RORA: variants seen among roughly 807,000 people sequenced by gnomAD.
The protein encoded by RORA is RAR related orphan receptor A.
Under a neutral mutation model 69.5 loss-of-function variants are expected in RORA, and 7 were observed. That is an observed-to-expected ratio of 0.10 (90% CI 0.06 to 0.19). The LOEUF (loss-of-function observed/expected upper bound fraction) is 0.19, where lower values mean the gene tolerates loss of function less well. Ranked by LOEUF, RORA falls within the 10% of genes least tolerant of loss-of-function variation. The pLI is 1.00. For synonymous variants in RORA, 261 were observed against 240.8 expected (o/e 1.08, Z -0.78); for missense variants, 457 against 663.0 (o/e 0.69, Z 3.41).
chr15:60,732,165 A>C (rs1380129179), intron 1 of RORA, among the ~76,000 whole-genome samples: 2 of 152,256 alleles, frequency 1.3e-5, no homozygotes, highest in Non-Finnish European at 2.9e-5. Context: ...CCATTTCTGC[A>C]TATACACCCC....
At chr15:60,872,985 C>G (rs879929120) in intron 1 of RORA, among the ~76,000 whole-genome samples, 8 of 152,104 alleles carry the variant, frequency 5.3e-5, no homozygotes, top group Admixed American at 4.6e-4. Context: ...TTCCTAATTC[C>G]TTTATTTATG....
rs2140836428 is a variant in RORA, at chr15:61,128,297, T to C, written c.166+100756A>G. Among the ~76,000 whole-genome samples, 1 of 152,114 alleles carries C rather than the reference T, an allele frequency of 6.6e-6. No individual in the cohort carries two copies. Among genetic ancestry groups the C allele is most frequent in the Admixed American group, 6.5e-5 (1 of 15,276 alleles). On this transcript the variant is annotated intron_variant, in intron 1 of 10. Transcript: ENST00000335670. This position sits in a 1 kb window ranked among gnomAD's most constrained non-coding sequence, Gnocchi z 4.5. ...AAAAAACAGCAAATTGACCGGAGAA[T>C]TATTAGCTTACCTTTATTTTTTAAA...
chr15:60,591,129 G>C (rs900096375), intron 2 of RORA, among the ~76,000 whole-genome samples: 10 of 152,180 alleles, frequency 6.6e-5, no homozygotes, highest in Non-Finnish European at 1.3e-4. Context: ...ACCCGCACCG[G>C]TGGCTAGGAC....
chr15:61,197,108 C>G (rs529385144), intron 1 of RORA, among the ~76,000 whole-genome samples: 2 of 152,210 alleles, frequency 1.3e-5, no homozygotes, highest in Non-Finnish European at 2.9e-5. Context: ...CGTTACTTCC[C>G]GGTGCCACAC....
chr15:61,069,630 C>T (rs2078312263), intron 1 of RORA, among the ~76,000 whole-genome samples: 1 of 151,518 alleles, frequency 6.6e-6, no homozygotes, highest in African/African-American at 2.4e-5. Context: ...CAGTTCATAA[C>T]ATTGATTAAT....
chr15:60,908,593 A>T (rs923910547), intron 1 of RORA, among the ~76,000 whole-genome samples: 18 of 152,178 alleles, frequency 1.2e-4, no homozygotes, highest in African/African-American at 4.3e-4. Context: ...TTTAAACTGT[A>T]CTGAAAATCC....
At chr15:60,587,779 A>T (rs1477182313) in intron 2 of RORA, among the ~76,000 whole-genome samples, 1 of 152,222 alleles carries the variant, frequency 6.6e-6, no homozygotes, top group African/African-American at 2.4e-5. Flanking sequence ...TTTTAAAGTT[A>T]TCGTATTATC....
chr15:60,509,573 C>T (rs1464104225), intron 5 of RORA, among the ~76,000 whole-genome samples: 1 of 152,124 alleles, frequency 6.6e-6, no homozygotes, highest in Non-Finnish European at 1.5e-5. Context: ...GGATTTATTT[C>T]AGGATTGAAT....
intron 1 of RORA, among the ~76,000 whole-genome samples, chr15:60,696,310 G>T (rs1350934441): frequency 6.6e-6 from 1 of 151,866 alleles, no homozygotes; most frequent in African/African-American, 2.4e-5. Flanking sequence ...CTCCCAGCTG[G>T]CCCCTCCTGC....
intron 1 of RORA, among the ~76,000 whole-genome samples, chr15:60,758,782 G>C (rs753770225): frequency 2.0e-5 from 3 of 152,168 alleles, no homozygotes; most frequent in African/African-American, 7.2e-5. Flanking sequence ...ATTATCTCCT[G>C]AAGCACTGTG....
At chr15:60,597,569 T>TATAC (rs2068705842) in intron 2 of RORA, among the ~76,000 whole-genome samples, 1 of 33,758 alleles carries the variant, frequency 3.0e-5, no homozygotes, top group African/African-American at 1.4e-4. Context: ...TATATATATA[T>TATAC]ATATACACAT....
At chr15:61,156,299 A>G (rs978672037) in intron 1 of RORA, among the ~76,000 whole-genome samples, 9 of 152,164 alleles carry the variant, frequency 5.9e-5, no homozygotes, top group Non-Finnish European at 1.0e-4. Flanking sequence ...TGTTTGTGTT[A>G]TAATTTTTGC....
At chr15:61,187,474 A>T (rs2079755303) in intron 1 of RORA, among the ~76,000 whole-genome samples, 2 of 152,096 alleles carry the variant, frequency 1.3e-5, no homozygotes, top group Admixed American at 1.3e-4. Flanking sequence ...GGATAGGGAG[A>T]TCTGAGGGAA....
intron 2 of RORA, among the ~76,000 whole-genome samples, chr15:60,640,785 C>T (rs1451760504): frequency 6.6e-6 from 1 of 152,110 alleles, no homozygotes; most frequent in Non-Finnish European, 1.5e-5. Context: ...ATGTTCCCTC[C>T]TAAAATTTGT....
At chr15:60,844,332 A>T (rs1007630479) in intron 1 of RORA, among the ~76,000 whole-genome samples, 3 of 152,158 alleles carry the variant, frequency 2.0e-5, no homozygotes, top group African/African-American at 7.2e-5. Context: ...TACTACTTTA[A>T]ACTACACAGA....
chr15:60,920,234 T>C (rs1892002682), intron 1 of RORA, among the ~76,000 whole-genome samples: 1 of 152,254 alleles, frequency 6.6e-6, no homozygotes, highest in Non-Finnish European at 1.5e-5. Context: ...TCTATGTTTC[T>C]ATCTACGAAT....
intron 3 of RORA, among the ~76,000 whole-genome samples, chr15:60,516,231 ATATTTAT>A: frequency 3.4e-5 from 2 of 59,214 alleles, no homozygotes; most frequent in Admixed American, 2.9e-4. Flanking sequence ...ATTTATATAT[ATATTTAT>A]ATATATATAT....
At chr15:60,879,540 T>C (rs1403331588) in intron 1 of RORA, among the ~76,000 whole-genome samples, 1 of 152,228 alleles carries the variant, frequency 6.6e-6, no homozygotes, top group African/African-American at 2.4e-5. Flanking sequence ...TCTAATTAAA[T>C]GCAACCTGAT....
Position 60,777,810 on chromosome 15 carries a change from A to G in RORA, c.167-99124T>C, listed in dbSNP as rs545124212. ...AGCACAGGGAATGAGTAAAATACCC[A>G]TAGTCGAGGAGCGTATTGAACTGCT... is the stretch of plus-strand genomic sequence containing the variant. On this transcript the variant is annotated intron_variant, in intron 1 of 10. Transcript: ENST00000335670. Among the ~76,000 whole-genome samples the G allele has an allele frequency of 2.0e-5, 3 of 152,320 alleles. 1 individual carries two copies. The highest frequency in any genetic ancestry group is 2.1e-4 in the South Asian group (1 of 4,822).
Sources: gnomAD v4.1 joint callset for allele counts (sites outside exome capture counted in the v4.1 genomes callset) on GRCh38, gnomAD v4.1.1 for gene constraint, Gnocchi (gnomAD v3.1) non-coding constraint, MANE v1.5 for transcripts, NCBI Gene and HGNC (gene_info 2026-07-23, HGNC 2026-07-21) for gene names.